CCDC40: variants seen among roughly 807,000 people sequenced by gnomAD.
CCDC40 encodes the protein coiled-coil domain 40 molecular ruler complex subunit.
In CCDC40, 104 loss-of-function variants were observed where a neutral mutation model predicts 124.5. The observed-to-expected ratio is 0.84, with a 90% CI of 0.71 to 0.98. The LOEUF (loss-of-function observed/expected upper bound fraction) is 0.98. Ranked by LOEUF, CCDC40 falls within the 50% of genes least tolerant of loss-of-function variation. The pLI, the probability that CCDC40 is intolerant of heterozygous loss-of-function variation, is 0.00. For synonymous variants in CCDC40, 580 were observed against 602.9 expected, an observed-to-expected ratio of 0.96 and a Z score of 0.56; for missense variants, 1,463 against 1,503.9, an observed-to-expected ratio of 0.97 and a Z score of 0.45.
chr17:80,056,004 A>ATTTT (rs1262463030), intron 7 of CCDC40, among the ~76,000 whole-genome samples: 115 of 8,352 alleles, frequency 0.014, no homozygotes, highest in Non-Finnish European at 0.023. Context: ...ATATATATAT[A>ATTTT]TATATATATA....
Position 80,039,987 on chromosome 17 carries a change from A to G in CCDC40, c.269A>G (p.Glu90Gly). ...GAGGCTGTGTCCTATGGAGATGCTGAAAGCGAAGAGGAATATTACTATACA... is the reference window on the plus strand; with the variant it reads ...GAGGCTGTGTCCTATGGAGATGCTGGAAGCGAAGAGGAATATTACTATACA... ...EEEAVSYGDA[E>G]SEEEYYYTET... Residue 90 changes from glutamate (E) to glycine (G), a missense_variant, in exon 3 of 20, where the codon GAA (glutamate) becomes GGA (glycine). Transcript: ENST00000397545. 6.2e-7 allele frequency: 1 copy of G among 1,614,148 alleles called. No homozygotes were observed. Among genetic ancestry groups the G allele is most frequent in the Non-Finnish European group, 8.5e-7 (1 of 1,180,000 alleles).
Position 80,095,284 on chromosome 17 carries a change from A to G in CCDC40, c.2854A>G (p.Lys952Glu), listed in dbSNP as rs1415068069. 2 of 1,613,898 alleles carry G rather than the reference A, an allele frequency of 1.2e-6. No homozygotes were observed. The highest frequency in any genetic ancestry group is 2.2e-5 in the South Asian group (2 of 91,090). ...CCAGGTCAGGCTCGGGCAGCTGCTG[A>G]AGCAGCAGGAGAAGATGATCCGTGC... ...RMKVRLGQLL[K>E]QQEKMIRAME... is the part of the protein sequence containing the mutation. The change falls in exon 18 of 20, where the codon AAG (lysine) becomes GAG (glutamate). Residue 952 changes from lysine to glutamate, a missense_variant. By Grantham distance (56) the Lys-to-Glu change is moderately conservative. Transcript: ENST00000397545.
intron 9 of CCDC40, among the ~76,000 whole-genome samples, chr17:80,064,226 G>A (rs1598507946): frequency 6.6e-6 from 1 of 152,168 alleles, no homozygotes; most frequent in Admixed American, 6.5e-5. Flanking sequence ...CATGCCCGGC[G>A]CTGCCCTCGG....
chr17:80,038,790 A>G (rs1287878928), intron 2 of CCDC40, among the ~76,000 whole-genome samples: 2 of 152,150 alleles, frequency 1.3e-5, no homozygotes, highest in Admixed American at 1.3e-4. Context: ...GTGCCACTGC[A>G]CTCAGCCTGG....
intron 10 of CCDC40, among the ~76,000 whole-genome samples, chr17:80,078,821 G>A (rs1175553505): frequency 6.6e-6 from 1 of 152,044 alleles, no homozygotes; most frequent in African/African-American, 2.4e-5. Flanking sequence ...TGCCTTCTGG[G>A]ATGTAACTGA....
In CCDC40 at chr17:80,065,485, G is replaced by T. The variant is rs770093454; in HGVS notation, c.1441G>T (p.Ala481Ser). ...CTGCCCCCTCCCCTGTTGGCTGCAG[G>T]CCTGCACCGAGATCGACGCCATCAG... ...TRILRKAVSE[A>S]CTEIDAISVE... Residue 481 changes from alanine (A) to serine (S), a missense_variant and splice_region_variant, in exon 10 of 20, where the codon GCC becomes TCC. By Grantham distance (99) the Ala-to-Ser change is moderately conservative (BLOSUM62 1). Coordinates refer to ENST00000397545, the MANE Select transcript of CCDC40 (RefSeq NM_017950.4). The T allele has an allele frequency of 1.2e-6, 2 of 1,613,030 alleles. No individual in the cohort carries two copies.
chr17:80,049,256 T>G (rs951055153), intron 5 of CCDC40, among the ~76,000 whole-genome samples: 2 of 149,448 alleles, frequency 1.3e-5, no homozygotes, highest in African/African-American at 4.9e-5. Flanking sequence ...AAAAAAAAAA[T>G]TAGCTGGGCA....
Position 80,086,174 on chromosome 17 carries a change from A to G in CCDC40, c.2407A>G (p.Lys803Glu), listed in dbSNP as rs2038584304. The G allele has an allele frequency of 4.3e-6, 7 of 1,613,596 alleles. No homozygotes were observed. Among genetic ancestry groups the G allele is most frequent in the Non-Finnish European group, 4.2e-6 (5 of 1,179,820 alleles). The change falls in exon 14 of 20, where the codon AAG becomes GAG. Residue 803 changes from lysine (K) to glutamate (E), a missense_variant. Coordinates refer to ENST00000397545, the MANE Select transcript of CCDC40 (RefSeq NM_017950.4). This position sits in a 1 kb window ranked among gnomAD's most constrained non-coding sequence, Gnocchi z 5.5. ...GCTGGCCTCCCTGGACGCATCCAAG[A>G]AGGAGCTCCACATCATGGAGCAGAA... ...EQLASLDASK[K>E]ELHIMEQKKL...
At chr17:80,054,991 TAAATC>T (rs1259007464) in intron 7 of CCDC40, among the ~76,000 whole-genome samples, 2 of 149,712 alleles carry the variant, frequency 1.3e-5, no homozygotes, top group Non-Finnish European at 3.0e-5. Context: ...AAAAAATAAA[TAAATC>T]AAATAAAACA....
chr17:80,087,286 A>G lies in CCDC40; in HGVS notation c.2450-321A>G. The G allele has an allele frequency of 2.3e-6, 1 of 430,272 alleles. No homozygotes were observed. The allele number at this position is 430,272 out of a possible 1,614,324, so 26.7% of individuals were successfully genotyped here. ...AGGTCCCGGTGCTCCACAGATTTGCAAGTGTCTGGGGGAGGGAGCCTGGCC... is the reference window on the plus strand; with the variant it reads ...AGGTCCCGGTGCTCCACAGATTTGCGAGTGTCTGGGGGAGGGAGCCTGGCC... On this transcript the variant is annotated intron_variant, in intron 14 of 19. Transcript: ENST00000397545. This position sits in a 1 kb window ranked among gnomAD's most constrained non-coding sequence, Gnocchi z 4.5.
At chr17:80,045,130 G>C (rs575808738) in intron 3 of CCDC40, among the ~76,000 whole-genome samples, 1 of 152,224 alleles carries the variant, frequency 6.6e-6, no homozygotes, top group Non-Finnish European at 1.5e-5. Context: ...CCGTGAGACG[G>C]TGCATGGGCT....
intron 4 of CCDC40, 31 bp from the exon 5 acceptor site, chr17:80,048,552 T>G (rs997283460): frequency 3.8e-6 from 6 of 1,584,702 alleles, no homozygotes; most frequent in Non-Finnish European, 5.2e-6. Flanking sequence ...CTCCAGCAGC[T>G]CCTCAATGGT....
chr17:80,037,571 A>C (rs9897043), intron 1 of CCDC40, among the ~76,000 whole-genome samples: 43,267 of 150,886 alleles, frequency 0.29, 7,192 homozygotes, highest in African/African-American at 0.46. Flanking sequence ...AAATGTTATC[A>C]ATGATTATCT....
At position 80,090,275 on chromosome 17, in the gene CCDC40, A is replaced by T; in HGVS notation, c.2832+391A>T. 2 of 1,187,068 alleles carry T rather than the reference A, an allele frequency of 1.7e-6. 1 individual carries two copies. Among genetic ancestry groups the T allele is most frequent in the South Asian group, 3.4e-5 (2 of 58,802 alleles). 73.5% of individuals were successfully genotyped at this position (1,187,068 alleles called of 1,614,324 possible). A position where few individuals can be genotyped will look rare whatever the true frequency, so the allele number is the denominator to read the frequency against. On this transcript the variant is annotated intron_variant, in intron 17 of 19. Transcript: ENST00000397545. ...ACACGGGACGCGCGCGGGCACGTGC[A>T]CGAACAACACGGGACGCGCGCAGGC... is the stretch of plus-strand genomic sequence containing the variant.
intron 19 of CCDC40, among the ~76,000 whole-genome samples, chr17:80,099,134 A>G (rs2038866223): frequency 6.8e-6 from 1 of 147,916 alleles, no homozygotes; most frequent in Non-Finnish European, 1.5e-5. Flanking sequence ...AAAAAAAAAT[A>G]CAAAAAATTA....
chr17:80,036,872 T>A (rs2037076892), intron 1 of CCDC40, 181 bp downstream of exon 1: 4 of 509,058 alleles, frequency 7.9e-6, no homozygotes, highest in Non-Finnish European at 1.3e-5. Flanking sequence ...GTTCAGCCCC[T>A]CACCCCCCCG....
At chr17:80,071,167 G>A (rs2038177365) in intron 10 of CCDC40, among the ~76,000 whole-genome samples, 1 of 152,226 alleles carries the variant, frequency 6.6e-6, no homozygotes, top group Admixed American at 6.5e-5. Flanking sequence ...TAACTTGGAG[G>A]CAGATAACCT....
intron 18 of CCDC40, among the ~76,000 whole-genome samples, chr17:80,096,694 G>A (rs527314773): frequency 2.1e-4 from 32 of 152,166 alleles, no homozygotes; most frequent in African/African-American, 6.7e-4. Flanking sequence ...CCACCCCAAA[G>A]ATCTTCCGTG....
rs557512232 is a variant in CCDC40, at chr17:80,039,494, C to T, written c.94-318C>T. On this transcript the variant is annotated intron_variant, in intron 2 of 19. Coordinates refer to ENST00000397545, the MANE Select transcript of CCDC40 (RefSeq NM_017950.4). ...TGGCACGATCTCAGCTCACTGCAAC[C>T]TCTGCCTTCCGAGTTTAAGCAATTC... Among the ~76,000 whole-genome samples the T allele has an allele frequency of 7.2e-5, 11 of 151,728 alleles. No homozygotes were observed. In the South Asian group the frequency reaches 2.3e-3, roughly 32 times the overall value.
Sources: allele counts gnomAD v4.1 joint callset (sites outside exome capture counted in the v4.1 genomes callset), GRCh38; gene constraint gnomAD v4.1.1; non-coding constraint Gnocchi (gnomAD v3.1); transcripts MANE v1.5; gene names NCBI Gene and HGNC (gene_info 2026-07-23, HGNC 2026-07-21).